FHIT: variants seen among roughly 807,000 people sequenced by gnomAD.
FHIT encodes fragile histidine triad diadenosine triphosphatase, also known as bis(5'-adenosyl)-triphosphatase.
FHIT carries 19 observed loss-of-function variants against 17.9 expected under a neutral mutation model. That is an observed-to-expected ratio of 1.06 (90% CI 0.74 to 1.56). The LOEUF (loss-of-function observed/expected upper bound fraction) is 1.56. Among genes scored for constraint, FHIT ranks in the 40% most tolerant of loss-of-function variants. The pLI is 0.00. For missense variants in FHIT, 248 were observed against 189.2 expected, an observed-to-expected ratio of 1.31 and a Z score of -1.82; for synonymous variants, 81 against 69.7, an observed-to-expected ratio of 1.16 and a Z score of -0.81.
intron 4 of FHIT, among the ~76,000 whole-genome samples, chr3:60,589,838 G>T (rs1296222055): frequency 6.6e-6 from 1 of 152,078 alleles, no homozygotes; most frequent in Non-Finnish European, 1.5e-5. Context: ...CAGCAAACAT[G>T]AATGTAACTT....
intron 5 of FHIT, among the ~76,000 whole-genome samples, chr3:60,483,532 C>A (rs775443389): frequency 6.6e-6 from 1 of 152,078 alleles, no homozygotes; most frequent in Non-Finnish European, 1.5e-5. Flanking sequence ...ACATACGCAA[C>A]TCAATAAACG....
intron 3 of FHIT, among the ~76,000 whole-genome samples, chr3:60,966,265 GC>G (rs1476858799): frequency 1.3e-5 from 2 of 152,156 alleles, no homozygotes; most frequent in African/African-American, 2.4e-5. Flanking sequence ...CTCCTGGTGT[GC>G]CCTTTGCTAA....
rs3821487 is a variant in FHIT at position 60,372,483 on chromosome 3, G to T, written c.103+164377C>A. On this transcript the variant is annotated intron_variant, in intron 5 of 9. Transcript: ENST00000492590. Reference sequence around the variant, plus strand: ...TTATCTCTATCTCATTGTATTTTCCGCTTATCTTCCTGGTTTCTTTTTCTT... The same window carrying T: ...TTATCTCTATCTCATTGTATTTTCCTCTTATCTTCCTGGTTTCTTTTTCTT... Among the ~76,000 whole-genome samples, 80 of 152,016 alleles carry T rather than the reference G, an allele frequency of 5.3e-4. No individual in the cohort carries two copies. In the East Asian group the frequency reaches 0.015, roughly 29 times the overall value.
intron 3 of FHIT, among the ~76,000 whole-genome samples, chr3:60,877,013 C>A (rs782219152): frequency 1.2e-4 from 19 of 152,194 alleles, no homozygotes; most frequent in Non-Finnish European, 2.4e-4. Context: ...GTAGCCTCCA[C>A]CAACACCTTG....
At chr3:60,028,201 G>T (rs934109217) in intron 5 of FHIT, among the ~76,000 whole-genome samples, 6 of 152,098 alleles carry the variant, frequency 3.9e-5, no homozygotes, top group Admixed American at 3.3e-4. Flanking sequence ...ATTGCTATGT[G>T]TAATTCTCTT....
At chr3:59,799,536 C>G (rs1024466576) in intron 8 of FHIT, among the ~76,000 whole-genome samples, 7 of 152,124 alleles carry the variant, frequency 4.6e-5, no homozygotes, top group African/African-American at 7.2e-5. Context: ...TGTCTGGAAA[C>G]CAGCTGGCAC....
At chr3:60,746,226 G>T (rs577664758) in intron 4 of FHIT, among the ~76,000 whole-genome samples, 3 of 152,228 alleles carry the variant, frequency 2.0e-5, no homozygotes, top group South Asian at 2.1e-4. Context: ...AAAGACAAAG[G>T]TTTCTCTTCA....
chr3:61,144,819 C>T (rs951814566), intron 2 of FHIT, among the ~76,000 whole-genome samples: 1 of 152,146 alleles, frequency 6.6e-6, no homozygotes, highest in Non-Finnish European at 1.5e-5. Context: ...AGCATCTCTT[C>T]GTGTGCTATT....
intron 2 of FHIT, among the ~76,000 whole-genome samples, chr3:61,085,030 A>T (rs2035262697): frequency 1.3e-5 from 2 of 152,168 alleles, no homozygotes. Flanking sequence ...TAAATATACT[A>T]ATTATTGCTT....
intron 5 of FHIT, among the ~76,000 whole-genome samples, chr3:60,129,294 G>C (rs143940013): frequency 8.8e-4 from 134 of 151,852 alleles, no homozygotes; most frequent in African/African-American, 3.1e-3. Flanking sequence ...CTCATGATCC[G>C]ACCTCTCAAA....
At chr3:59,833,729 G>C (rs1701244004) in intron 8 of FHIT, among the ~76,000 whole-genome samples, 1 of 152,122 alleles carries the variant, frequency 6.6e-6, no homozygotes, top group African/African-American at 2.4e-5. Flanking sequence ...TTGGCTCTGT[G>C]TCCCCACCCA....
chr3:60,795,353 T>C (rs1553729900), intron 4 of FHIT, among the ~76,000 whole-genome samples: 1 of 152,236 alleles, frequency 6.6e-6, no homozygotes, highest in East Asian at 1.9e-4. Flanking sequence ...CCGATGTTAT[T>C]AAAGTTCTCT....
At chr3:60,826,259 T>G (rs75134634) in intron 3 of FHIT, among the ~76,000 whole-genome samples, 2,350 of 152,134 alleles carry the variant, frequency 0.015, 60 homozygotes, top group African/African-American at 0.054. Flanking sequence ...CTTAAGCTAA[T>G]CGCTAATCAT....
At chr3:60,060,609 G>A (rs1016402792) in intron 5 of FHIT, among the ~76,000 whole-genome samples, 1 of 152,132 alleles carries the variant, frequency 6.6e-6, no homozygotes, top group African/African-American at 2.4e-5. Context: ...TGAAAACTGT[G>A]GCACATTTGG....
chr3:61,066,654 G>C (rs547721363), intron 2 of FHIT, among the ~76,000 whole-genome samples: 1 of 152,154 alleles, frequency 6.6e-6, no homozygotes, highest in South Asian at 2.1e-4. Flanking sequence ...ACAGCAAAAA[G>C]TATTAATGAG....
intron 5 of FHIT, among the ~76,000 whole-genome samples, chr3:60,248,176 C>T (rs917966435): frequency 2.6e-5 from 4 of 152,074 alleles, no homozygotes; most frequent in Non-Finnish European, 5.9e-5. Flanking sequence ...TTTAGTTCTT[C>T]CCCCTAAGAG....
At chr3:60,418,557 C>CTTTTT (rs11452248) in intron 5 of FHIT, among the ~76,000 whole-genome samples, 3 of 95,208 alleles carry the variant, frequency 3.2e-5, no homozygotes, top group Non-Finnish European at 6.0e-5. Context: ...TCCCTCCCAA[C>CTTTTT]TTTTTTTTTT....
chr3:59,988,494 C>G (rs1039340089), intron 7 of FHIT, among the ~76,000 whole-genome samples: 2 of 152,024 alleles, frequency 1.3e-5, no homozygotes, highest in Non-Finnish European at 2.9e-5. Flanking sequence ...CATCCATTCA[C>G]TCATTCATTC....
intron 4 of FHIT, among the ~76,000 whole-genome samples, chr3:60,539,564 C>T (rs1028024507): frequency 1.3e-5 from 2 of 152,154 alleles, no homozygotes; most frequent in African/African-American, 2.4e-5. Context: ...CAGTGATAGA[C>T]TAGATTAAGG....
Sources: gnomAD v4.1 joint callset for allele counts (sites outside exome capture counted in the v4.1 genomes callset) on GRCh38, gnomAD v4.1.1 for gene constraint, MANE v1.5 for transcripts, NCBI Gene and HGNC (gene_info 2026-07-23, HGNC 2026-07-21) for gene names.